Variants in NSD1 observed in about 807,000 individuals in gnomAD.
The protein encoded by NSD1 is histone-lysine N-methyltransferase, H3 lysine-36 specific.
NSD1 carries 26 observed loss-of-function variants against 242.7 expected under a neutral mutation model. That is an observed-to-expected ratio of 0.11 (90% CI 0.08 to 0.15). The LOEUF (loss-of-function observed/expected upper bound fraction) is 0.15, where lower values mean the gene tolerates loss of function less well. NSD1 is among the 10% of genes least tolerant of loss of function. The pLI is 1.00. For synonymous variants in NSD1, 1,106 were observed against 1,178.1 expected, an observed-to-expected ratio of 0.94 and a Z score of 1.25; for missense variants, 2,495 against 3,272.8, an observed-to-expected ratio of 0.76 and a Z score of 5.80.
chr5:177,267,507 A>T, intron 14 of NSD1, 55 bp from the exon 15 acceptor site: 2 of 1,438,612 alleles, frequency 1.4e-6, no homozygotes, highest in Admixed American at 3.3e-5. Context: ...ATGGATGTAC[A>T]CATACATGAC....
intron 5 of NSD1, among the ~76,000 whole-genome samples, chr5:177,228,246 CT>C (rs1164397339): frequency 1.2e-3 from 185 of 149,962 alleles, no homozygotes; most frequent in African/African-American, 4.2e-3. Context: ...TAACATTGGC[CT>C]TTTTTTCTTT....
chr5:177,244,805 T>TA (rs1194608469), intron 9 of NSD1, among the ~76,000 whole-genome samples: 1 of 152,262 alleles, frequency 6.6e-6, no homozygotes, highest in African/African-American at 2.4e-5. Context: ...CTACGATTAT[T>TA]AAATTTTCTA....
At chr5:177,148,292 A>G (rs1311283324) in intron 2 of NSD1, among the ~76,000 whole-genome samples, 2 of 151,546 alleles carry the variant, frequency 1.3e-5, no homozygotes, top group African/African-American at 4.9e-5. Flanking sequence ...TCATTTTTGT[A>G]TTTTTAGTAG....
chr5:177,292,854 C>CA (rs1421316497), intron 22 of NSD1, among the ~76,000 whole-genome samples: 2 of 151,978 alleles, frequency 1.3e-5, no homozygotes, highest in African/African-American at 2.4e-5. Context: ...TTTTAATGAA[C>CA]AAAAAAGAGA....
intron 5 of NSD1, among the ~76,000 whole-genome samples, chr5:177,214,753 T>C (rs1188386868): frequency 2.0e-5 from 3 of 151,352 alleles, no homozygotes; most frequent in African/African-American, 7.3e-5. Flanking sequence ...CTGCATCCTC[T>C]GCCTCGTGGG....
chr5:177,206,748 C>T (rs2878686), intron 4 of NSD1, among the ~76,000 whole-genome samples: 39,234 of 151,688 alleles, frequency 0.26, 6,381 homozygotes, highest in East Asian at 0.51. Context: ...TCTTTAGGTA[C>T]GTAGAGTTAC....
chr5:177,235,742 A>G (rs1765391708), intron 5 of NSD1, 79 bp from the exon 6 acceptor site: 2 of 1,573,190 alleles, frequency 1.3e-6, no homozygotes, highest in Non-Finnish European at 1.7e-6. Context: ...TACTTTTGGG[A>G]GTATCAGATG....
chr5:177,193,459 T>A (rs573158268), intron 3 of NSD1, among the ~76,000 whole-genome samples: 1 of 152,096 alleles, frequency 6.6e-6, no homozygotes, highest in South Asian at 2.1e-4. Flanking sequence ...GTATTTTTAG[T>A]AGAGATGGGG....
intron 14 of NSD1, 122 bp downstream of exon 14, chr5:177,260,290 A>G (rs1489648009): frequency 3.4e-6 from 3 of 882,982 alleles, no homozygotes; most frequent in Non-Finnish European, 1.8e-6. Context: ...GATACTATTC[A>G]TCTGCCATTC....
chr5:177,207,732 T>TTATTC (rs1255841295), intron 4 of NSD1, among the ~76,000 whole-genome samples: 3 of 149,492 alleles, frequency 2.0e-5, no homozygotes, highest in Admixed American at 6.7e-5. Flanking sequence ...ACGCAGCCTT[T>TTATTC]TATTCATTTA....
chr5:177,265,579 C>G, intron 14 of NSD1: 1 of 1,235,348 alleles, frequency 8.1e-7, no homozygotes, highest in Non-Finnish European at 1.2e-6. Flanking sequence ...CTCAGCACAT[C>G]CTGTAGTCTG....
intron 19 of NSD1, 124 bp from the exon 20 acceptor site, chr5:177,283,663 T>A: frequency 2.7e-6 from 3 of 1,113,968 alleles, no homozygotes; most frequent in Non-Finnish European, 4.0e-6. Context: ...TTCTTTGGGA[T>A]CTTTTCTCTG....
At chr5:177,173,631 A>T (rs1759918391) in intron 2 of NSD1, among the ~76,000 whole-genome samples, 1 of 151,746 alleles carries the variant, frequency 6.6e-6, no homozygotes. Flanking sequence ...GTGCCACCAC[A>T]CCCAGCTAAT....
chr5:177,147,591 T>G (rs1757359899), intron 2 of NSD1, among the ~76,000 whole-genome samples: 1 of 152,022 alleles, frequency 6.6e-6, no homozygotes, highest in African/African-American at 2.4e-5. Flanking sequence ...TTGTTTTTTT[T>G]GTTTGTTTTT....
chr5:177,273,473 C>G (rs1043387393), intron 16 of NSD1, among the ~76,000 whole-genome samples, 199 bp from the exon 17 acceptor site: 1 of 152,116 alleles, frequency 6.6e-6, no homozygotes, highest in African/African-American at 2.4e-5. Context: ...TGTCTTAATA[C>G]TATGTCTGAA....
intron 3 of NSD1, among the ~76,000 whole-genome samples, chr5:177,198,210 G>A (rs1374948719): frequency 1.3e-5 from 2 of 152,032 alleles, no homozygotes; most frequent in Non-Finnish European, 2.9e-5. Flanking sequence ...ATTTTTTGTA[G>A]AGACAAGATC....
At position 177,257,039 on chromosome 5, in the gene NSD1, G is replaced by A; in HGVS notation, c.4854G>A (p.Glu1618=). 1 of 1,614,036 alleles carries A rather than the reference G, an allele frequency of 6.2e-7. No individual in the cohort carries two copies. The highest frequency in any genetic ancestry group is 1.1e-5 in the South Asian group (1 of 91,080). ...LPLCGKFYHE[E]CVQKYPPTVM... ...TGTGTGGAAAGTTTTACCATGAAGA[G>A]TGTGTCCAGAAGTACCCACCCACTG... is the stretch of plus-strand genomic sequence containing the variant. Residue 1618 remains glutamate (E), a synonymous_variant, in exon 13 of 23, where the codon GAG becomes GAA. Transcript: ENST00000439151.
At chr5:177,173,024 G>A (rs1309737686) in intron 2 of NSD1, among the ~76,000 whole-genome samples, 9 of 150,468 alleles carry the variant, frequency 6.0e-5, no homozygotes, top group Admixed American at 2.0e-4. Context: ...AGCCGGGCGC[G>A]GTGGCTCACG....
At chr5:177,224,915 G>A (rs752086003) in intron 5 of NSD1, among the ~76,000 whole-genome samples, 1 of 151,536 alleles carries the variant, frequency 6.6e-6, no homozygotes, top group African/African-American at 2.4e-5. Context: ...AGACAATTTT[G>A]CGTTTCCCCC....
Sources: gnomAD v4.1 joint callset for allele counts (sites outside exome capture counted in the v4.1 genomes callset) on GRCh38, gnomAD v4.1.1 for gene constraint, MANE v1.5 for transcripts, NCBI Gene and HGNC (gene_info 2026-07-23, HGNC 2026-07-21) for gene names.